The following UBE2E1 variants were observed in gnomAD, a reference collection of about 807,000 sequenced individuals.
UBE2E1 encodes the protein ubiquitin conjugating enzyme E2 E1.
UBE2E1 carries 6 observed loss-of-function variants against 21.4 expected under a neutral mutation model. That is an observed-to-expected ratio of 0.28 (90% CI 0.15 to 0.55). The LOEUF (loss-of-function observed/expected upper bound fraction) is 0.55. UBE2E1 is among the 20% of genes least tolerant of loss of function. The pLI is 0.93. For synonymous variants in UBE2E1, 87 were observed against 82.7 expected (o/e 1.05, Z -0.28); for missense variants, 142 against 236.5 (o/e 0.60, Z 2.62).
chr3:23,885,636 G>A (rs1341625268), intron 3 of UBE2E1, among the ~76,000 whole-genome samples: 16 of 152,226 alleles, frequency 1.1e-4, no homozygotes, highest in Admixed American at 6.5e-4. Flanking sequence ...CGAGGCGGGC[G>A]GATCACCTGA....
At chr3:23,825,038 T>G (rs902444181) in intron 3 of UBE2E1, among the ~76,000 whole-genome samples, 2 of 152,240 alleles carry the variant, frequency 1.3e-5, no homozygotes, top group African/African-American at 4.8e-5. Context: ...GATTAGTAAT[T>G]ATATTTCTTG....
intron 3 of UBE2E1, among the ~76,000 whole-genome samples, chr3:23,843,200 G>A (rs910978353): frequency 1.2e-4 from 19 of 152,058 alleles, no homozygotes; most frequent in African/African-American, 4.6e-4. Flanking sequence ...AGGGACAGAG[G>A]CAAGACCATT....
intron 3 of UBE2E1, chr3:23,866,608 TC>T (rs1428707520): frequency 6.6e-6 from 1 of 152,200 alleles, no homozygotes; most frequent in Non-Finnish European, 1.5e-5. Context: ...GATGCTTGTT[TC>T]CCCAAAATGT....
In UBE2E1 at chr3:23,850,837, CT is replaced by C. The variant is rs71057628; in HGVS notation, c.204-36707del. Among the ~76,000 whole-genome samples, 53 of 128,442 alleles carry C rather than the reference CT, an allele frequency of 4.1e-4. 1 individual carries two copies. The highest frequency in any genetic ancestry group is 1.4e-3 in the East Asian group (6 of 4,254). The allele number at this position is 128,442 out of a possible 152,430, so 84.3% of individuals were successfully genotyped here. A position where few individuals can be genotyped will look rare whatever the true frequency, so the allele number is the denominator to read the frequency against. On this transcript the variant is annotated intron_variant, in intron 3 of 5. Coordinates refer to ENST00000306627, the MANE Select transcript of UBE2E1 (RefSeq NM_003341.5). ...TACAGATGTGCGCCACCACACCCAG[CT>C]TTTTTTTTTTTTTTTTTTTTTTAAG...
Position 23,810,860 on chromosome 3 carries a change from G to T in UBE2E1, c.153-600G>T. On this transcript the variant is annotated intron_variant, in intron 2 of 5. Transcript: ENST00000306627. The surrounding 1 kb of genome is among the most constrained non-coding windows in gnomAD (Gnocchi z 5.8). ...AGCCCACCGCTGGGGAGCGACCTGC[G>T]GTCTGGGCCTCCCGGGCACCCCGCC... 6.0e-6 allele frequency: 1 copy of T among 166,718 alleles called. No individual in the cohort carries two copies. Among genetic ancestry groups the T allele is most frequent in the Non-Finnish European group, 1.3e-5 (1 of 77,982 alleles). The allele number at this position is 166,718 out of a possible 1,614,324, so 10.3% of individuals were successfully genotyped here. A position where few individuals can be genotyped will look rare whatever the true frequency, so the allele number is the denominator to read the frequency against.
At chr3:23,877,987 C>T (rs1700952569) in intron 3 of UBE2E1, among the ~76,000 whole-genome samples, 2 of 152,190 alleles carry the variant, frequency 1.3e-5, no homozygotes, top group African/African-American at 4.8e-5. Context: ...CCTGCCTCTG[C>T]CCCTTCCTTC....
chr3:23,866,119 A>C (rs1575026581), intron 3 of UBE2E1, among the ~76,000 whole-genome samples: 1 of 152,308 alleles, frequency 6.6e-6, no homozygotes, highest in East Asian at 1.9e-4. Context: ...AGCCCTATGC[A>C]AATATAAACA....
chr3:23,862,389 T>C (rs959502259), intron 3 of UBE2E1, among the ~76,000 whole-genome samples: 1 of 152,240 alleles, frequency 6.6e-6, no homozygotes. Flanking sequence ...AAGCATAACT[T>C]AGATACCATT....
In UBE2E1 at chr3:23,810,592, T is replaced by C. The variant is rs2125278904; in HGVS notation, c.153-868T>C. ...GGGCGGAGGCAGGGTCCGGTGCACCTGTGCGGCCGCGGGCCGGCCACTTGG... is the reference window on the plus strand; with the variant it reads ...GGGCGGAGGCAGGGTCCGGTGCACCCGTGCGGCCGCGGGCCGGCCACTTGG... On this transcript the variant is annotated intron_variant, in intron 2 of 5. Coordinates refer to ENST00000306627, the MANE Select transcript of UBE2E1 (RefSeq NM_003341.5). The surrounding 1 kb of genome is among the most constrained non-coding windows in gnomAD (Gnocchi z 5.8). The C allele has an allele frequency of 6.9e-7, 1 of 1,455,542 alleles. No individual in the cohort carries two copies. The highest frequency in any genetic ancestry group is 1.4e-5 in the African/African-American group (1 of 70,590). 90.2% of individuals were successfully genotyped at this position (1,455,542 alleles called of 1,614,324 possible). A position where few individuals can be genotyped will look rare whatever the true frequency, so the allele number is the denominator to read the frequency against.
chr3:23,891,071 G>C lies in UBE2E1; in HGVS notation c.*465G>C, dbSNP rs972045263. 1 of 152,796 alleles carries C rather than the reference G, an allele frequency of 6.5e-6. No homozygotes were observed. The highest frequency in any genetic ancestry group is 1.5e-5 in the Non-Finnish European group (1 of 68,248). 9.5% of individuals were successfully genotyped at this position (152,796 alleles called of 1,614,324 possible). A position where few individuals can be genotyped will look rare whatever the true frequency, so the allele number is the denominator to read the frequency against. On this transcript the variant is annotated 3_prime_UTR_variant, in exon 6 of 6. Transcript: ENST00000306627. Reference sequence around the variant, plus strand: ...ATTGTCATCTCATATATATAAAATGGACACGTGGCTATAAAACACCATATA... The same window carrying C: ...ATTGTCATCTCATATATATAAAATGCACACGTGGCTATAAAACACCATATA...
chr3:23,809,171 G>C (rs1170034561), intron 2 of UBE2E1, among the ~76,000 whole-genome samples: 1 of 152,158 alleles, frequency 6.6e-6, no homozygotes, highest in Non-Finnish European at 1.5e-5. Flanking sequence ...CTTTTGTTTT[G>C]TTTTTGCAAT....
intron 3 of UBE2E1, among the ~76,000 whole-genome samples, chr3:23,883,777 A>C (rs536193851): frequency 6.6e-6 from 1 of 152,128 alleles, no homozygotes; most frequent in South Asian, 2.1e-4. Context: ...TTAGCTGGGC[A>C]TGGCGGCGCA....
intron 3 of UBE2E1, among the ~76,000 whole-genome samples, chr3:23,882,874 C>T (rs1162881464): frequency 6.6e-6 from 1 of 152,224 alleles, no homozygotes; most frequent in Non-Finnish European, 1.5e-5. Context: ...TCTCGCTGTT[C>T]CATGAGCACT....
chr3:23,861,854 G>A (rs376226946), intron 3 of UBE2E1, among the ~76,000 whole-genome samples: 95 of 152,250 alleles, frequency 6.2e-4, no homozygotes, highest in African/African-American at 2.0e-3. Flanking sequence ...ATAAAACCTC[G>A]CACTCATTCT....
At chr3:23,854,651 A>G (rs1700398686) in intron 3 of UBE2E1, among the ~76,000 whole-genome samples, 1 of 152,246 alleles carries the variant, frequency 6.6e-6, no homozygotes. Context: ...TTTAATATGT[A>G]GGAGTTACAA....
At chr3:23,830,419 T>G (rs369725763) in intron 3 of UBE2E1, among the ~76,000 whole-genome samples, 2 of 110,826 alleles carry the variant, frequency 1.8e-5, no homozygotes, top group Non-Finnish European at 2.0e-5. Flanking sequence ...GGGTTCATTT[T>G]TTTGTTTTTG....
At chr3:23,886,196 T>C (rs1218691986) in intron 3 of UBE2E1, among the ~76,000 whole-genome samples, 2 of 152,164 alleles carry the variant, frequency 1.3e-5, no homozygotes, top group African/African-American at 2.4e-5. Context: ...AGATCAAGAC[T>C]CTGTTTCAAA....
intron 3 of UBE2E1, among the ~76,000 whole-genome samples, chr3:23,815,315 C>G (rs1699492184): frequency 6.6e-6 from 1 of 152,182 alleles, no homozygotes; most frequent in Non-Finnish European, 1.5e-5. Context: ...GACAGAATTT[C>G]CATTTAGCCT....
chr3:23,871,739 G>A (rs1311744114), intron 3 of UBE2E1, among the ~76,000 whole-genome samples: 26 of 151,676 alleles, frequency 1.7e-4, no homozygotes, highest in Admixed American at 1.4e-3. Context: ...CAGACGGGGC[G>A]GCGGGGCAAA....
Sources: gnomAD v4.1 joint callset for allele counts (sites outside exome capture counted in the v4.1 genomes callset) on GRCh38, gnomAD v4.1.1 for gene constraint, Gnocchi (gnomAD v3.1) non-coding constraint, MANE v1.5 for transcripts, NCBI Gene and HGNC (gene_info 2026-07-23, HGNC 2026-07-21) for gene names.